The following SPTLC3 variants were observed in gnomAD, a reference collection of about 807,000 sequenced individuals.
SPTLC3 encodes serine palmitoyltransferase 3.
SPTLC3 carries 36 observed loss-of-function variants against 59.3 expected under a neutral mutation model. That is an observed-to-expected ratio of 0.61 (90% confidence interval 0.47 to 0.80). The LOEUF is 0.80. Among genes scored for constraint, SPTLC3 ranks in the 30% least tolerant of loss-of-function variants. The probability of loss-of-function intolerance (pLI) is 0.00; values close to 1 mark genes in which losing one functional copy is unlikely to be tolerated. For synonymous variants in SPTLC3, 257 were observed against 240.8 expected (o/e 1.07, Z -0.62); for missense variants, 625 against 685.1 (o/e 0.91, Z 0.98).
intron 1 of SPTLC3, among the ~76,000 whole-genome samples, chr20:13,014,706 T>A (rs1303935490): frequency 6.6e-6 from 1 of 151,906 alleles, no homozygotes; most frequent in Non-Finnish European, 1.5e-5. Context: ...CATGAGCAAG[T>A]TACCATTGTT....
chr20:13,053,117 G>T (rs1987566506), intron 2 of SPTLC3, among the ~76,000 whole-genome samples: 1 of 152,178 alleles, frequency 6.6e-6, no homozygotes, highest in Non-Finnish European at 1.5e-5. Flanking sequence ...TCCCAGCAGG[G>T]GTTGACAGAC....
rs551857430 is a variant in SPTLC3, at chr20:13,115,430, T to A, written c.933-2076T>A. On this transcript the variant is annotated intron_variant, in intron 7 of 11. Transcript: ENST00000399002. ...CAGCTAGACCAGCCCCATGGAAGGATGGTTAATTAGCTGCCCGCAGTGTCT... is the reference window on the plus strand; with the variant it reads ...CAGCTAGACCAGCCCCATGGAAGGAAGGTTAATTAGCTGCCCGCAGTGTCT... Among the ~76,000 whole-genome samples, 13 of 152,298 alleles carry A rather than the reference T, an allele frequency of 8.5e-5. No individual in the cohort carries two copies. In the East Asian group the frequency reaches 1.7e-3, roughly 20 times the overall value.
intron 4 of SPTLC3, among the ~76,000 whole-genome samples, chr20:13,084,187 T>C (rs1420946645): frequency 1.3e-5 from 2 of 152,198 alleles, no homozygotes; most frequent in African/African-American, 4.8e-5. Flanking sequence ...CCCTGTATCA[T>C]GAACCTCTCT....
chr20:13,164,873 C>G lies in SPTLC3; in HGVS notation c.*6C>G. ...GCTTTGAACTCGAAGATTAAGTTTC[C>G]TGGTCCTGAATGACACATAAAGACT... On this transcript the variant is annotated 3_prime_UTR_variant, in exon 12 of 12. Transcript: ENST00000399002. 1.2e-6 allele frequency: 2 copies of G among 1,610,008 alleles called. No individual in the cohort carries two copies. The highest frequency in any genetic ancestry group is 1.7e-6 in the Non-Finnish European group (2 of 1,177,528).
At chr20:13,131,208 A>G (rs909148421) in intron 9 of SPTLC3, among the ~76,000 whole-genome samples, 2 of 152,202 alleles carry the variant, frequency 1.3e-5, no homozygotes, top group African/African-American at 2.4e-5. Context: ...ATCAATCAAC[A>G]TTTTTTGAAC....
intron 4 of SPTLC3, among the ~76,000 whole-genome samples, chr20:13,082,889 T>C (rs1988886606): frequency 6.6e-6 from 1 of 152,056 alleles, no homozygotes; most frequent in Non-Finnish European, 1.5e-5. Context: ...TGATATCAAC[T>C]TGAAGAAGAC....
intron 9 of SPTLC3, among the ~76,000 whole-genome samples, chr20:13,151,671 G>C (rs143946805): frequency 6.6e-6 from 1 of 152,332 alleles, no homozygotes; most frequent in African/African-American, 2.4e-5. Context: ...CACAATTAAG[G>C]TGTCACAGAA....
At chr20:13,159,026 C>T (rs974872530) in intron 10 of SPTLC3, among the ~76,000 whole-genome samples, 3 of 152,206 alleles carry the variant, frequency 2.0e-5, no homozygotes, top group African/African-American at 7.2e-5. Context: ...TTAAGTTTTC[C>T]TGCAAAGACT....
At chr20:13,127,780 T>C (rs992192924) in intron 9 of SPTLC3, among the ~76,000 whole-genome samples, 1 of 152,210 alleles carries the variant, frequency 6.6e-6, no homozygotes, top group Non-Finnish European at 1.5e-5. Flanking sequence ...TGCAGGAGGA[T>C]ATTTTTTCCT....
chr20:13,040,958 A>G (rs1297206220), intron 1 of SPTLC3, among the ~76,000 whole-genome samples: 1 of 151,926 alleles, frequency 6.6e-6, no homozygotes, highest in Non-Finnish European at 1.5e-5. Flanking sequence ...AAAGCTGTTC[A>G]CCTTATTGGG....
intron 2 of SPTLC3, among the ~76,000 whole-genome samples, chr20:13,068,540 A>G (rs1988315877): frequency 6.6e-6 from 1 of 152,160 alleles, no homozygotes; most frequent in African/African-American, 2.4e-5. Context: ...AATGGGGTGG[A>G]GTGGAAATAC....
At chr20:13,147,523 T>C (rs974659030) in intron 9 of SPTLC3, among the ~76,000 whole-genome samples, 1 of 152,098 alleles carries the variant, frequency 6.6e-6, no homozygotes, top group African/African-American at 2.4e-5. Context: ...TCTGCCCCCT[T>C]GCCAAGCCAG....
chr20:13,026,417 C>T (rs1194928037), intron 1 of SPTLC3, among the ~76,000 whole-genome samples: 2 of 152,056 alleles, frequency 1.3e-5, no homozygotes, highest in African/African-American at 2.4e-5. Flanking sequence ...TAGTAATACC[C>T]GTACTGACTG....
intron 4 of SPTLC3, among the ~76,000 whole-genome samples, chr20:13,079,508 A>T (rs1192464375): frequency 6.6e-6 from 1 of 152,216 alleles, no homozygotes; most frequent in Non-Finnish European, 1.5e-5. Flanking sequence ...ACCACCAAAA[A>T]CACTTTCAAA....
chr20:13,136,015 A>G (rs543141546), intron 9 of SPTLC3, among the ~76,000 whole-genome samples: 115 of 152,362 alleles, frequency 7.5e-4, no homozygotes, highest in African/African-American at 2.7e-3. Flanking sequence ...GGTATACAGA[A>G]TTTCAATTAC....
At chr20:13,050,596 T>A (rs894319392) in intron 2 of SPTLC3, 1 of 152,072 alleles carries the variant, frequency 6.6e-6, no homozygotes, top group Non-Finnish European at 1.5e-5. Flanking sequence ...ACCCAGGAAA[T>A]TCATCACCAA....
intron 6 of SPTLC3, among the ~76,000 whole-genome samples, chr20:13,106,070 G>A (rs1363501777): frequency 6.6e-6 from 1 of 152,062 alleles, no homozygotes; most frequent in Non-Finnish European, 1.5e-5. Context: ...GCTAAAACAC[G>A]CTCTTGGGAA....
At chr20:13,027,424 C>CA (rs1417076086) in intron 1 of SPTLC3, among the ~76,000 whole-genome samples, 1 of 152,046 alleles carries the variant, frequency 6.6e-6, no homozygotes, top group East Asian at 1.9e-4. Context: ...AAAGTGAGAT[C>CA]AAAACCACAT....
At chr20:13,025,575 T>C (rs1162167715) in intron 1 of SPTLC3, among the ~76,000 whole-genome samples, 1 of 152,146 alleles carries the variant, frequency 6.6e-6, no homozygotes, top group Non-Finnish European at 1.5e-5. Context: ...CTTAGAACAG[T>C]GCAGGCACCA....
Sources: gnomAD v4.1 joint callset for allele counts (sites outside exome capture counted in the v4.1 genomes callset) on GRCh38, gnomAD v4.1.1 for gene constraint, MANE v1.5 for transcripts, NCBI Gene and HGNC (gene_info 2026-07-23, HGNC 2026-07-21) for gene names.